The following ITLN2 variants were observed in gnomAD, a reference collection of about 807,000 sequenced individuals.
The protein encoded by ITLN2 is intelectin-2.
In ITLN2, 29 loss-of-function variants were observed where a neutral mutation model predicts 39.4. The observed-to-expected ratio is 0.74, with a 90% CI of 0.55 to 1.00. The LOEUF is 1.00. Ranked by LOEUF, ITLN2 falls within the 50% of genes least tolerant of loss-of-function variation. The pLI, the probability that ITLN2 is intolerant of heterozygous loss-of-function variation, is 0.00. For synonymous variants in ITLN2, 156 were observed against 153.4 expected, an observed-to-expected ratio of 1.02 and a Z score of -0.12; for missense variants, 412 against 416.7, an observed-to-expected ratio of 0.99 and a Z score of 0.10.
intron 6 of ITLN2, 95 bp from the exon 7 acceptor site, chr1:160,948,127 G>T: frequency 1.0e-6 from 1 of 997,174 alleles, no homozygotes. Flanking sequence ...TAAGCCAAAA[G>T]CTGAGGCTAC....
rs1671634527 is a variant in ITLN2, at chr1:160,947,554, A to T, written c.825+375T>A. ...TCTCAGGCTGTCTCAGTGGGGGAAA[A>T]CCTTGGACAATACCCAGGCTTTCTT... On this transcript the variant is annotated intron_variant, in intron 7 of 7. Coordinates refer to ENST00000368029, the MANE Select transcript of ITLN2 (RefSeq NM_080878.3). Among the ~76,000 whole-genome samples, 5 of 152,004 alleles carry T rather than the reference A, an allele frequency of 3.3e-5. No homozygotes were observed. The South Asian group carries it at 1.0e-3, about 32-fold the overall frequency.
At chr1:160,952,406 T>C (rs1671765247) in intron 3 of ITLN2, among the ~76,000 whole-genome samples, 1 of 152,120 alleles carries the variant, frequency 6.6e-6, no homozygotes, top group African/African-American at 2.4e-5. Flanking sequence ...ACCATAAGCA[T>C]CACCAGGAAC....
intron 7 of ITLN2, among the ~76,000 whole-genome samples, chr1:160,947,155 A>C (rs1169496845): frequency 6.6e-6 from 1 of 152,212 alleles, no homozygotes. Flanking sequence ...CAGCAGGGAA[A>C]CATGTGAGCA....
At chr1:160,947,208 C>T (rs1205615174) in intron 7 of ITLN2, among the ~76,000 whole-genome samples, 1 of 152,204 alleles carries the variant, frequency 6.6e-6, no homozygotes, top group Non-Finnish European at 1.5e-5. Context: ...AGGTACTGTG[C>T]CCGGATGTGC....
chr1:160,948,686 G>A (rs2101937798), intron 6 of ITLN2: 1 of 150,706 alleles, frequency 6.6e-6, no homozygotes, highest in African/African-American at 2.5e-5. Flanking sequence ...GAGTGCAGTG[G>A]TGTGAACTCA....
In ITLN2 at chr1:160,949,908, T is replaced by G; in HGVS notation, c.721+138A>C. On this transcript the variant is annotated intron_variant, in intron 6 of 7. Coordinates refer to ENST00000368029, the MANE Select transcript of ITLN2 (RefSeq NM_080878.3). ...ATGGTAATTAAATGACACAAAATCA[T>G]GTTAAGTTCCAAGACAAGAGTCTGG... 5.6e-6 allele frequency: 4 copies of G among 717,506 alleles called. No homozygotes were observed. The South Asian group carries it at 9.1e-5, about 16-fold the overall frequency. 44.4% of individuals were successfully genotyped at this position (717,506 alleles called of 1,614,324 possible). A position where few individuals can be genotyped will look rare whatever the true frequency, so the allele number is the denominator to read the frequency against.
intron 6 of ITLN2, among the ~76,000 whole-genome samples, chr1:160,948,432 G>A (rs1570970926): frequency 6.6e-6 from 1 of 152,286 alleles, no homozygotes; most frequent in East Asian, 1.9e-4. Context: ...TAGTTTCCCT[G>A]ACCATCACCT....
intron 4 of ITLN2, 150 bp from the exon 5 acceptor site, chr1:160,950,861 C>T: frequency 6.9e-7 from 1 of 1,451,700 alleles, no homozygotes; most frequent in Non-Finnish European, 9.4e-7. Context: ...GCTGATGATC[C>T]CACCACCACC....
chr1:160,949,841 G>C (rs749544103), intron 6 of ITLN2: 9 of 540,142 alleles, frequency 1.7e-5, no homozygotes, highest in Non-Finnish European at 3.0e-5. Context: ...ATTACGTGCT[G>C]TGAAATGGGG....
chr1:160,952,679 G>T lies in ITLN2; in HGVS notation c.134C>A (p.Ser45Tyr), dbSNP rs137982071. 5.9e-5 allele frequency: 96 copies of T among 1,614,038 alleles called. No individual in the cohort carries two copies. Among genetic ancestry groups the T allele is most frequent in the Admixed American group, 1.8e-4 (11 of 60,004 alleles). The change falls in exon 3 of 8, where the codon TCC (serine) becomes TAC (tyrosine). Residue 45 changes from serine (S) to tyrosine (Y), a missense_variant. Transcript: ENST00000368029. ...LSREFETCAFSFSSLPRSCKE... is the reference protein window; with the variant it reads ...LSREFETCAFYFSSLPRSCKE... ...GCAGCTTCTAGGCAGGGAAGAAAAG[G>T]AGAAGGCACAGGTTTCGAATTCCCT...
chr1:160,949,449 C>G (rs1189724084), intron 6 of ITLN2: 1 of 153,856 alleles, frequency 6.5e-6, no homozygotes, highest in Non-Finnish European at 1.4e-5. Flanking sequence ...TGGGGAGAAA[C>G]CTTGGACAAT....
intron 3 of ITLN2, among the ~76,000 whole-genome samples, chr1:160,952,313 C>T (rs958965054): frequency 7.9e-5 from 12 of 152,242 alleles, no homozygotes; most frequent in Non-Finnish European, 1.0e-4. Flanking sequence ...GTCTCTGGCT[C>T]GGGAGTTTCA....
chr1:160,947,185 T>A (rs1475941051), intron 7 of ITLN2, among the ~76,000 whole-genome samples: 2 of 152,204 alleles, frequency 1.3e-5, no homozygotes, highest in Non-Finnish European at 2.9e-5. Context: ...GTATCATGAA[T>A]AAGTTCAAGG....
In ITLN2 at chr1:160,947,989, G is replaced by A. The variant is rs376177426; in HGVS notation, c.765C>T (p.Asn255=). 3.7e-5 allele frequency: 59 copies of A among 1,613,858 alleles called. No homozygotes were observed. Among genetic ancestry groups the A allele is most frequent in the African/African-American group, 4.0e-5 (3 of 74,842 alleles). The change falls in exon 7 of 8, where the codon AAC becomes AAT. Residue 255 remains asparagine (N), a synonymous_variant. Coordinates refer to ENST00000368029, the MANE Select transcript of ITLN2 (RefSeq NM_080878.3). ...CACAAAGGGCGTTGGCTGCTCTCTC[G>A]TTATTAAACACCCGGAACTGAACGA... ...AGFVQFRVFN[N]ERAANALCAG...
intron 5 of ITLN2, 64 bp from the exon 6 acceptor site, chr1:160,950,230 G>C: frequency 1.3e-6 from 2 of 1,568,816 alleles, no homozygotes; most frequent in Non-Finnish European, 1.7e-6. Context: ...TGTGGGGGGA[G>C]GAGGGGTTTC....
chr1:160,951,470 G>C, intron 3 of ITLN2, 180 bp from the exon 4 acceptor site: 1 of 736,554 alleles, frequency 1.4e-6, no homozygotes, highest in South Asian at 2.3e-5. Flanking sequence ...GGCACTGACT[G>C]TCTTGGCTTC....
Position 160,952,632 on chromosome 1 carries a change from G to T in ITLN2, c.181C>A (p.His61Asn). 1 of 1,612,546 alleles carries T rather than the reference G, an allele frequency of 6.2e-7. No homozygotes were observed. Among genetic ancestry groups the T allele is most frequent in the Non-Finnish European group, 8.5e-7 (1 of 1,178,542 alleles). Reference sequence around the variant, plus strand: ...GTTCATTACTCACCACCTGCACTATGGCAGCGTTCCTTGATTTCTTTGCAG... The same window carrying T: ...GTTCATTACTCACCACCTGCACTATTGCAGCGTTCCTTGATTTCTTTGCAG... ...RSCKEIKERC[H>N]SAGDGLYFLR... Residue 61 changes from histidine to asparagine, a missense_variant, in exon 3 of 8, where the codon CAT becomes AAT. Physicochemically the swap from His to Asn is moderately conservative, Grantham distance 68. Transcript: ENST00000368029.
intron 2 of ITLN2, among the ~76,000 whole-genome samples, chr1:160,953,948 A>C (rs1488041312): frequency 6.6e-6 from 1 of 152,152 alleles, no homozygotes. Context: ...TATTGTGCCT[A>C]CTGGAAGAAT....
chr1:160,946,168 G>A (rs549110751), intron 7 of ITLN2, among the ~76,000 whole-genome samples: 9 of 151,206 alleles, frequency 6.0e-5, no homozygotes, highest in Non-Finnish European at 1.0e-4. Context: ...AAAATTAGCC[G>A]GGTGTGGCAG....
Sources: gnomAD v4.1 joint callset for allele counts (sites outside exome capture counted in the v4.1 genomes callset) on GRCh38, gnomAD v4.1.1 for gene constraint, MANE v1.5 for transcripts, NCBI Gene and HGNC (gene_info 2026-07-23, HGNC 2026-07-21) for gene names.